The following GABRB3 variants were observed in gnomAD, a reference collection of about 807,000 sequenced individuals.
GABRB3 encodes gamma-aminobutyric acid receptor subunit beta-3.
A neutral mutation model predicts 52.1 loss-of-function variants in GABRB3; 14 were observed. That is an observed-to-expected ratio of 0.27 (90% CI 0.18 to 0.42). The LOEUF (loss-of-function observed/expected upper bound fraction) is 0.42. Among genes scored for constraint, GABRB3 ranks in the 10% least tolerant of loss-of-function variants. The pLI, the probability that GABRB3 is intolerant of heterozygous loss-of-function variation, is 1.00. For synonymous variants in GABRB3, 260 were observed against 232.3 expected (o/e 1.12, Z -1.08); for missense variants, 307 against 609.1 (o/e 0.50, Z 5.22).
At chr15:26,626,214 C>T (rs1892686330) in intron 3 of GABRB3, among the ~76,000 whole-genome samples, 1 of 152,132 alleles carries the variant, frequency 6.6e-6, no homozygotes, top group Admixed American at 6.5e-5. Context: ...GAATAGCACC[C>T]ATATAAGATG....
At position 26,548,048 on chromosome 15, in the gene GABRB3, C is replaced by A. The variant is rs1889323307; in HGVS notation, c.1167G>T (p.Arg389Ser). ...NEVSGGIGDTRNSAISFDNSG... is the reference protein window; with the variant it reads ...NEVSGGIGDTSNSAISFDNSG... ...AGTTGTCAAAGGATATTGCTGAATT[C>A]CTGGTATCGCCAATGCCGCCTGAGA... The change falls in exon 9 of 9, where the codon AGG (arginine) becomes AGT (serine). Residue 389 changes from arginine to serine, a missense_variant. Around this residue, in one of 6 missense-constraint regions of GABRB3, gnomAD observed 115 missense variants for 166.9 expected, o/e 0.69. Transcript: ENST00000311550. 1 of 1,614,150 alleles carries A rather than the reference C, an allele frequency of 6.2e-7. No individual in the cohort carries two copies. The highest frequency in any genetic ancestry group is 8.5e-7 in the Non-Finnish European group (1 of 1,180,012).
At chr15:26,661,287 C>T (rs1365418515) in intron 3 of GABRB3, among the ~76,000 whole-genome samples, 1 of 152,094 alleles carries the variant, frequency 6.6e-6, no homozygotes, top group East Asian at 1.9e-4. Context: ...CATGCCTACA[C>T]ATGCACATAC....
intron 3 of GABRB3, among the ~76,000 whole-genome samples, chr15:26,707,521 G>C (rs1235267247): frequency 6.6e-6 from 1 of 152,204 alleles, no homozygotes; most frequent in Non-Finnish European, 1.5e-5. Context: ...GTGTGAGCCT[G>C]AGTATCCACC....
At chr15:26,554,961 C>T (rs994869145) in intron 8 of GABRB3, among the ~76,000 whole-genome samples, 5 of 152,078 alleles carry the variant, frequency 3.3e-5, no homozygotes, top group Admixed American at 6.5e-5. Flanking sequence ...GGGCGGATCA[C>T]GAGGTCAGGA....
At chr15:26,593,734 T>C (rs944703575) in intron 4 of GABRB3, among the ~76,000 whole-genome samples, 8 of 152,062 alleles carry the variant, frequency 5.3e-5, no homozygotes, top group Non-Finnish European at 1.2e-4. Flanking sequence ...GACATTTGGG[T>C]TGTTTCTACC....
At position 26,772,392 on chromosome 15, in the gene GABRB3, G is replaced by A; in HGVS notation, c.240+10C>T. On this transcript the variant is annotated intron_variant, in intron 3 of 8. Transcript: ENST00000311550. ...GGCTCAGGGACCGCCCTGGGAGGGC[G>A]GGCACTCACCATGTTGACTTCGGAA... 2 of 1,605,774 alleles carry A rather than the reference G, an allele frequency of 1.2e-6. No homozygotes were observed. Among genetic ancestry groups the A allele is most frequent in the Middle Eastern group, 1.7e-4 (1 of 6,034 alleles).
intron 8 of GABRB3, among the ~76,000 whole-genome samples, chr15:26,552,783 A>C (rs569298772): frequency 6.6e-6 from 1 of 152,280 alleles, no homozygotes; most frequent in East Asian, 1.9e-4. Context: ...AAAGGAAAGA[A>C]GTGGGTGGAG....
chr15:26,703,638 A>C (rs932551954), intron 3 of GABRB3, among the ~76,000 whole-genome samples: 4 of 152,206 alleles, frequency 2.6e-5, no homozygotes, highest in Admixed American at 6.5e-5. Context: ...ATTTGCCTCC[A>C]GCTGTGAGTC....
chr15:26,741,369 G>A (rs762256409), intron 3 of GABRB3, among the ~76,000 whole-genome samples: 1 of 152,138 alleles, frequency 6.6e-6, no homozygotes, highest in Non-Finnish European at 1.5e-5. Flanking sequence ...ACCCATCACA[G>A]TCATCACAGT....
chr15:26,559,938 T>C (rs754647825), intron 8 of GABRB3, among the ~76,000 whole-genome samples: 1 of 152,196 alleles, frequency 6.6e-6, no homozygotes, highest in Non-Finnish European at 1.5e-5. Context: ...TTGCTTTTTC[T>C]CTAGAAGACT....
chr15:26,755,427 G>C (rs1329216142), intron 3 of GABRB3, among the ~76,000 whole-genome samples: 1 of 152,030 alleles, frequency 6.6e-6, no homozygotes, highest in Non-Finnish European at 1.5e-5. Flanking sequence ...ACAATGACTT[G>C]AACATGTGTA....
intron 4 of GABRB3, among the ~76,000 whole-genome samples, chr15:26,601,131 A>G (rs1383362845): frequency 6.6e-6 from 1 of 152,184 alleles, no homozygotes; most frequent in Non-Finnish European, 1.5e-5. Context: ...AAATAAAAAT[A>G]GAAAGGATTT....
intron 3 of GABRB3, among the ~76,000 whole-genome samples, chr15:26,741,412 G>A (rs535976367): frequency 1.3e-5 from 2 of 152,248 alleles, no homozygotes; most frequent in South Asian, 4.1e-4. Context: ...CCATTAAAAA[G>A]ACAATCTTAT....
intron 3 of GABRB3, among the ~76,000 whole-genome samples, chr15:26,748,954 T>A (rs1890425652): frequency 6.6e-6 from 1 of 151,976 alleles, no homozygotes; most frequent in Non-Finnish European, 1.5e-5. Flanking sequence ...TGAACCCAAA[T>A]GGTGGAGGGT....
At chr15:26,771,311 CT>C (rs1392937474) in intron 3 of GABRB3, among the ~76,000 whole-genome samples, 1 of 152,146 alleles carries the variant, frequency 6.6e-6, no homozygotes, top group Non-Finnish European at 1.5e-5. Flanking sequence ...TCCAGCCTAT[CT>C]TGATCAGAAT....
intron 3 of GABRB3, among the ~76,000 whole-genome samples, chr15:26,762,732 C>A (rs534506696): frequency 6.6e-6 from 1 of 152,266 alleles, no homozygotes; most frequent in Admixed American, 6.5e-5. Flanking sequence ...GGACGGTGTT[C>A]TCTAAGCAAC....
At chr15:26,565,935 G>A (rs1240920285) in intron 7 of GABRB3, among the ~76,000 whole-genome samples, 2 of 152,122 alleles carry the variant, frequency 1.3e-5, no homozygotes, top group Non-Finnish European at 2.9e-5. Flanking sequence ...TTAAAAGGGG[G>A]TGCTTGAAAT....
chr15:26,679,278 T>C (rs929663372), intron 3 of GABRB3, among the ~76,000 whole-genome samples: 23 of 152,208 alleles, frequency 1.5e-4, no homozygotes, highest in African/African-American at 4.8e-4. Context: ...GGCTACACTG[T>C]CCACTGAAAT....
At chr15:26,655,864 G>C (rs906521401) in intron 3 of GABRB3, among the ~76,000 whole-genome samples, 2 of 152,060 alleles carry the variant, frequency 1.3e-5, no homozygotes, top group African/African-American at 4.8e-5. Flanking sequence ...AGACCAAAGA[G>C]AAAGCTCATT....
Sources: gnomAD v4.1 joint callset for allele counts (sites outside exome capture counted in the v4.1 genomes callset) on GRCh38, gnomAD v4.1.1 for gene constraint, gnomAD v4.1.1 regional missense constraint, MANE v1.5 for transcripts, NCBI Gene and HGNC (gene_info 2026-07-23, HGNC 2026-07-21) for gene names.